Variants in CLEC16A observed in about 807,000 individuals in gnomAD.
CLEC16A encodes the protein protein CLEC16A.
In CLEC16A, 51 loss-of-function variants were observed where a neutral mutation model predicts 109.5. The observed-to-expected ratio is 0.47, with a 90% CI of 0.37 to 0.59. The LOEUF (loss-of-function observed/expected upper bound fraction) is 0.59. Ranked by LOEUF, CLEC16A falls within the 20% of genes least tolerant of loss-of-function variation. The pLI, the probability that CLEC16A is intolerant of heterozygous loss-of-function variation, is 0.00. For missense variants in CLEC16A, 1,339 were observed against 1,394.0 expected, an observed-to-expected ratio of 0.96 and a Z score of 0.63; for synonymous variants, 673 against 564.2, an observed-to-expected ratio of 1.19 and a Z score of -2.73.
chr16:10,973,090 A>G, intron 7 of CLEC16A, 29 bp downstream of exon 7: 2 of 1,578,204 alleles, frequency 1.3e-6, no homozygotes, highest in East Asian at 4.5e-5. Flanking sequence ...GCCACTCAGT[A>G]GATAGACAGG....
chr16:11,124,535 A>T (rs1203104404), intron 21 of CLEC16A, among the ~76,000 whole-genome samples: 1 of 152,246 alleles, frequency 6.6e-6, no homozygotes, highest in Non-Finnish European at 1.5e-5. Flanking sequence ...GAGGAAGCCC[A>T]ACACTGCCCA....
chr16:11,133,529 G>C (rs954610514), intron 22 of CLEC16A, among the ~76,000 whole-genome samples: 1 of 152,104 alleles, frequency 6.6e-6, no homozygotes, highest in African/African-American at 2.4e-5. Flanking sequence ...AACTTAGGAA[G>C]AATGCAGAAA....
chr16:11,014,237 A>T (rs868327094), intron 11 of CLEC16A, among the ~76,000 whole-genome samples: 1 of 152,124 alleles, frequency 6.6e-6, no homozygotes, highest in Admixed American at 6.5e-5. Context: ...TGTTCCTTCC[A>T]CTTAGCAATG....
At chr16:11,164,033 A>G (rs1053418838) in intron 22 of CLEC16A, among the ~76,000 whole-genome samples, 8 of 152,098 alleles carry the variant, frequency 5.3e-5, no homozygotes, top group Admixed American at 5.2e-4. Context: ...CTTCCTGCCC[A>G]GTGTTTGGAT....
chr16:11,056,206 C>A (rs114307346), intron 18 of CLEC16A, among the ~76,000 whole-genome samples: 1 of 152,116 alleles, frequency 6.6e-6, no homozygotes, highest in Non-Finnish European at 1.5e-5. Context: ...TCAGTCAGAC[C>A]AACCACGGGT....
chr16:10,996,081 C>A (rs2044309695), intron 10 of CLEC16A, among the ~76,000 whole-genome samples: 1 of 152,168 alleles, frequency 6.6e-6, no homozygotes, highest in African/African-American at 2.4e-5. Context: ...TGCCTGGTGC[C>A]CTTACATCCC....
rs549533826 is a variant in CLEC16A, at chr16:11,060,068, G to A, written c.1996-834G>A. On this transcript the variant is annotated intron_variant, in intron 18 of 23. Transcript: ENST00000409790. ...GCTGGAGGCTGCTTTCTGCACACAC[G>A]GCTCCGACTGCTGGGACTCTGCTTT... Among the ~76,000 whole-genome samples the A allele has an allele frequency of 7.9e-5, 12 of 152,304 alleles. No individual in the cohort carries two copies. In the East Asian group the frequency reaches 1.2e-3, roughly 15 times the overall value.
chr16:11,067,131 G>A (rs1172359520), intron 19 of CLEC16A, among the ~76,000 whole-genome samples: 1 of 149,230 alleles, frequency 6.7e-6, no homozygotes, highest in African/African-American at 2.4e-5. Flanking sequence ...CTTTAATGGG[G>A]AGTGGGTTTG....
intron 4 of CLEC16A, among the ~76,000 whole-genome samples, chr16:10,970,865 G>C (rs1314958326): frequency 2.6e-5 from 4 of 152,196 alleles, no homozygotes; most frequent in Non-Finnish European, 5.9e-5. Context: ...TCCCACCTCA[G>C]CCTCTCCCAA....
At chr16:11,161,896 G>T (rs938860214) in intron 22 of CLEC16A, among the ~76,000 whole-genome samples, 2 of 152,218 alleles carry the variant, frequency 1.3e-5, no homozygotes, top group African/African-American at 4.8e-5. Flanking sequence ...GCCCCTAGGC[G>T]GCTGCTGGCC....
chr16:10,992,079 C>T (rs1255396861), intron 10 of CLEC16A, among the ~76,000 whole-genome samples: 1 of 152,172 alleles, frequency 6.6e-6, no homozygotes, highest in South Asian at 2.1e-4. Flanking sequence ...TATAACCTGG[C>T]CCCAGGACAG....
intron 1 of CLEC16A, among the ~76,000 whole-genome samples, chr16:10,948,986 C>A (rs959930546): frequency 1.4e-4 from 22 of 152,134 alleles, no homozygotes; most frequent in South Asian, 8.3e-4. Context: ...TCACTCTGGC[C>A]AAAGGTATAG....
intron 1 of CLEC16A, among the ~76,000 whole-genome samples, chr16:10,946,153 A>T (rs993237402): frequency 2.0e-5 from 3 of 152,200 alleles, no homozygotes; most frequent in African/African-American, 7.2e-5. Flanking sequence ...GTGTCAAGAA[A>T]TAGGCAGGTT....
chr16:11,051,447 C>T, intron 17 of CLEC16A, 66 bp from the exon 18 acceptor site: 1 of 1,548,792 alleles, frequency 6.5e-7, no homozygotes, highest in Non-Finnish European at 8.9e-7. Flanking sequence ...TGTGCAACCT[C>T]CCCCGGCCCC....
intron 7 of CLEC16A, among the ~76,000 whole-genome samples, chr16:10,974,998 T>C (rs2042968883): frequency 1.3e-5 from 2 of 151,992 alleles, no homozygotes; most frequent in African/African-American, 4.8e-5. Context: ...TTTCTAGAAA[T>C]ATGGGAGGAA....
At position 11,169,367 on chromosome 16, in the gene CLEC16A, A is replaced by G. The variant is rs565443977; in HGVS notation, c.2806+2815A>G. 1.1e-4 allele frequency among the ~76,000 whole-genome samples: 17 copies of G among 152,054 alleles called. No homozygotes were observed. In the South Asian group the frequency reaches 3.5e-3, roughly 32 times the overall value. ...AGTGTCGCAGTCTCGGCTCACTGCA[A>G]CCTCCACCTCCCAGATTCAAGCAAT... On this transcript the variant is annotated intron_variant, in intron 23 of 23. Transcript: ENST00000409790.
Position 11,050,322 on chromosome 16 carries a change from A to G in CLEC16A, c.1867-1191A>G, listed in dbSNP as rs773682320. Among the ~76,000 whole-genome samples, 42 of 152,164 alleles carry G rather than the reference A, an allele frequency of 2.8e-4. 1 individual carries two copies. The highest frequency in any genetic ancestry group is 5.4e-4 in the Non-Finnish European group (37 of 68,042). ...TGGGGATTAAGTTTCCAACACATGA[A>G]CTATGGGGGACACGTTCAAACCATA... On this transcript the variant is annotated intron_variant, in intron 17 of 23. Transcript: ENST00000409790.
At chr16:10,977,181 C>T in intron 7 of CLEC16A, 44 bp from the exon 8 acceptor site, 1 of 1,586,578 alleles carries the variant, frequency 6.3e-7, no homozygotes, top group South Asian at 1.1e-5. Context: ...CTCAAAGGCT[C>T]CTAGTGTTGG....
At chr16:10,979,741 A>ACACTGCAG in intron 9 of CLEC16A, among the ~76,000 whole-genome samples, 1 of 152,292 alleles carries the variant, frequency 6.6e-6, no homozygotes, top group East Asian at 1.9e-4. Context: ...ATGAAGCCCC[A>ACACTGCAG]CACTGCAGAA....
Sources: gnomAD v4.1 joint callset for allele counts (sites outside exome capture counted in the v4.1 genomes callset) on GRCh38, gnomAD v4.1.1 for gene constraint, MANE v1.5 for transcripts, NCBI Gene and HGNC (gene_info 2026-07-23, HGNC 2026-07-21) for gene names.